CHL1: variants seen among roughly 807,000 people sequenced by gnomAD.
CHL1 encodes the protein neural cell adhesion molecule L1-like protein.
Under a neutral mutation model 141.9 loss-of-function variants are expected in CHL1, and 96 were observed. The observed-to-expected ratio is 0.68, with a 90% CI of 0.57 to 0.80. The LOEUF is 0.80. Among genes scored for constraint, CHL1 ranks in the 30% least tolerant of loss-of-function variants. The pLI is 0.00. For synonymous variants in CHL1, 613 were observed against 502.2 expected (o/e 1.22, Z -2.95); for missense variants, 1,820 against 1,457.2 (o/e 1.25, Z -4.05).
chr3:389,595 G>T, intron 20 of CHL1, 121 bp downstream of exon 20: 1 of 729,464 alleles, frequency 1.4e-6, no homozygotes, highest in South Asian at 1.8e-5. Flanking sequence ...ACTAGCCGTG[G>T]GAGATAAAAA....
chr3:277,761 G>C (rs538600870), intron 2 of CHL1, among the ~76,000 whole-genome samples: 1 of 152,200 alleles, frequency 6.6e-6, no homozygotes, highest in East Asian at 1.9e-4. Context: ...CCTGTCTTTG[G>C]CATGACATTT....
intron 8 of CHL1, 100 bp downstream of exon 8, chr3:343,131 AC>A (rs1392834807): frequency 4.6e-6 from 4 of 875,256 alleles, no homozygotes; most frequent in Non-Finnish European, 7.0e-6. Flanking sequence ...TTATTACAAT[AC>A]TGTTATTATG....
chr3:368,362 T>C (rs1705175726), intron 15 of CHL1, among the ~76,000 whole-genome samples: 1 of 152,256 alleles, frequency 6.6e-6, no homozygotes, highest in Admixed American at 6.5e-5. Context: ...TGTTGAGCTT[T>C]TTTTCATATG....
At chr3:254,932 A>C (rs1694020156) in intron 2 of CHL1, among the ~76,000 whole-genome samples, 1 of 152,190 alleles carries the variant, frequency 6.6e-6, no homozygotes, top group Non-Finnish European at 1.5e-5. Flanking sequence ...GAAGGGATGC[A>C]TTCAAACCCT....
intron 1 of CHL1, among the ~76,000 whole-genome samples, chr3:226,285 G>A (rs917797156): frequency 4.0e-5 from 6 of 148,970 alleles, no homozygotes; most frequent in Non-Finnish European, 8.9e-5. Flanking sequence ...GCCTCCCAAA[G>A]TGCGGATCCC....
chr3:289,277 T>A (rs917717466), intron 2 of CHL1, among the ~76,000 whole-genome samples: 24 of 152,220 alleles, frequency 1.6e-4, no homozygotes, highest in Non-Finnish European at 3.1e-4. Context: ...AAAAACTTGA[T>A]ATCATATTTA....
At chr3:224,673 T>C (rs1701161558) in intron 1 of CHL1, among the ~76,000 whole-genome samples, 2 of 152,190 alleles carry the variant, frequency 1.3e-5, no homozygotes, top group South Asian at 2.1e-4. Context: ...TGAAGAAGCA[T>C]GAGCCAGTGA....
intron 2 of CHL1, chr3:247,544 G>A (rs923673157): frequency 2.0e-5 from 3 of 152,116 alleles, no homozygotes; most frequent in Non-Finnish European, 4.4e-5. Context: ...GAGAGGAACA[G>A]AAGGAGGGAA....
chr3:318,443 A>T (rs1259369903), intron 2 of CHL1, among the ~76,000 whole-genome samples: 1 of 151,834 alleles, frequency 6.6e-6, no homozygotes, highest in East Asian at 1.9e-4. Flanking sequence ...TAATTCTCAC[A>T]TTTTGGAGCA....
chr3:239,557 T>C (rs1329392617), intron 1 of CHL1, among the ~76,000 whole-genome samples: 3 of 150,688 alleles, frequency 2.0e-5, no homozygotes, highest in African/African-American at 7.3e-5. Context: ...GTAGCTTTAA[T>C]GCATTCATTC....
intron 2 of CHL1, among the ~76,000 whole-genome samples, chr3:286,061 C>T (rs1252441540): frequency 6.6e-6 from 1 of 151,946 alleles, no homozygotes; most frequent in Non-Finnish European, 1.5e-5. Flanking sequence ...GTTTATTACC[C>T]CCATTTTCAT....
chr3:294,258 G>A lies in CHL1; in HGVS notation c.-94-25425G>A, dbSNP rs139541545. Among the ~76,000 whole-genome samples, 131 of 152,218 alleles carry A rather than the reference G, an allele frequency of 8.6e-4. 1 individual carries two copies. The highest frequency in any genetic ancestry group is 2.7e-3 in the African/African-American group (112 of 41,536). On this transcript the variant is annotated intron_variant, in intron 2 of 27. Transcript: ENST00000256509. ...CACTTGAGCCTGGGAGGTCGAGGAT[G>A]CAGTGAGTCATGATTACACCACTGC...
chr3:390,108 T>A (rs146344100), intron 20 of CHL1, among the ~76,000 whole-genome samples: 30 of 152,290 alleles, frequency 2.0e-4, no homozygotes, highest in African/African-American at 7.0e-4. Context: ...GAATGAGAAA[T>A]AGCCAACTCA....
chr3:341,344 T>C (rs1325603616), intron 6 of CHL1, among the ~76,000 whole-genome samples: 4 of 152,186 alleles, frequency 2.6e-5, no homozygotes. Context: ...GTTTTCTCAT[T>C]GTGAACCATA....
chr3:234,653 C>G (rs749485213), intron 1 of CHL1, among the ~76,000 whole-genome samples: 26 of 152,048 alleles, frequency 1.7e-4, no homozygotes, highest in Non-Finnish European at 2.9e-4. Flanking sequence ...AGGTTGAAAG[C>G]CACTTGAGCA....
At chr3:284,483 G>A (rs2125310582) in intron 2 of CHL1, among the ~76,000 whole-genome samples, 1 of 152,310 alleles carries the variant, frequency 6.6e-6, no homozygotes, top group Non-Finnish European at 1.5e-5. Context: ...CGTGTGAGAA[G>A]TCTGACGTTT....
At chr3:294,083 C>T (rs892643013) in intron 2 of CHL1, among the ~76,000 whole-genome samples, 3 of 152,006 alleles carry the variant, frequency 2.0e-5, no homozygotes, top group Admixed American at 2.0e-4. Context: ...CTTTGGGAGG[C>T]CGAGGCAGGC....
At chr3:304,448 T>G (rs951829234) in intron 2 of CHL1, among the ~76,000 whole-genome samples, 1 of 152,232 alleles carries the variant, frequency 6.6e-6, no homozygotes, top group African/African-American at 2.4e-5. Context: ...GGGATTTGAC[T>G]TCTTCCTGGC....
intron 2 of CHL1, among the ~76,000 whole-genome samples, chr3:311,625 C>T (rs1209591104): frequency 6.6e-6 from 1 of 152,176 alleles, no homozygotes; most frequent in East Asian, 1.9e-4. Context: ...TAGAGGAACA[C>T]AAACAGGTCT....
Sources: allele counts gnomAD v4.1 joint callset (sites outside exome capture counted in the v4.1 genomes callset), GRCh38; gene constraint gnomAD v4.1.1; transcripts MANE v1.5; gene names NCBI Gene and HGNC (gene_info 2026-07-23, HGNC 2026-07-21).